USP42: variants seen among roughly 807,000 people sequenced by gnomAD.
The protein encoded by USP42 is ubiquitin specific peptidase 42.
Under a neutral mutation model 113.0 loss-of-function variants are expected in USP42, and 23 were observed. The observed-to-expected ratio is 0.20, with a 90% confidence interval of 0.15 to 0.29. The LOEUF (loss-of-function observed/expected upper bound fraction) is 0.29, where lower values mean the gene tolerates loss of function less well. USP42 is among the 10% of genes least tolerant of loss of function. USP42 has a pLI of 1.00. For missense variants in USP42, 2,174 were observed against 1,779.8 expected (o/e 1.22, Z -3.99); for synonymous variants, 933 against 699.0 (o/e 1.33, Z -5.28).
chr7:6,150,709 C>T (rs368359490), intron 14 of USP42, among the ~76,000 whole-genome samples: 20 of 152,162 alleles, frequency 1.3e-4, no homozygotes, highest in Non-Finnish European at 2.5e-4. Flanking sequence ...ACTGAGTCCA[C>T]GGAAACTTGA....
intron 8 of USP42, among the ~76,000 whole-genome samples, chr7:6,143,507 CAA>C (rs1377552005): frequency 6.6e-6 from 1 of 152,094 alleles, no homozygotes; most frequent in African/African-American, 2.4e-5. Flanking sequence ...CACATGAAGT[CAA>C]GAGTGCCTAT....
rs1479383784 is a variant in USP42 at position 6,153,783 on chromosome 7, C to G, written c.2229C>G (p.Pro743=). ...CACCTGGAGCAGAGAGGGGCCCTCC[C>G]GAGGACCGCGACGCCGAGCCTCAGC... is the stretch of plus-strand genomic sequence containing the variant. ...MSAPGAERGP[P]EDRDAEPQPG... Residue 743 remains proline, a synonymous_variant, in exon 15 of 18, where the codon CCC becomes CCG. Coordinates refer to ENST00000306177, the MANE Select transcript of USP42 (RefSeq NM_032172.3). 1 of 1,490,578 alleles carries G rather than the reference C, an allele frequency of 6.7e-7. No individual in the cohort carries two copies. Among genetic ancestry groups the G allele is most frequent in the Non-Finnish European group, 8.9e-7 (1 of 1,118,664 alleles). 92.3% of individuals were successfully genotyped at this position (1,490,578 alleles called of 1,614,324 possible).
rs1782742289 is a variant in USP42, at chr7:6,160,941, T to TTTAA, written c.*426_*429dup. ...AAAGTACAAACTGACAGTGTGTATA[T>TTTAA]TTAATTTAAAGACTTATTTAAAAAC... is the stretch of plus-strand genomic sequence containing the variant. On this transcript the variant is annotated 3_prime_UTR_variant, in exon 18 of 18. Transcript: ENST00000306177. The TTTAA allele has an allele frequency of 1.3e-5, 2 of 152,754 alleles. No homozygotes were observed. Among genetic ancestry groups the TTTAA allele is most frequent in the Middle Eastern group, 3.4e-3 (1 of 294 alleles). The allele number at this position is 152,754 out of a possible 1,614,324, so 9.5% of individuals were successfully genotyped here.
chr7:6,086,765 C>T, the USP42 span, among the ~76,000 whole-genome samples: 1 of 148,454 alleles, frequency 6.7e-6, no homozygotes, highest in Admixed American at 6.8e-5. Context: ...TCGCTCTTGT[C>T]GCCCAGGCTG....
intron 3 of USP42, among the ~76,000 whole-genome samples, chr7:6,124,982 A>G (rs1583611492): frequency 6.6e-6 from 1 of 151,914 alleles, no homozygotes; most frequent in African/African-American, 2.4e-5. Flanking sequence ...GGAATTCGAG[A>G]CCAGCCTGGC....
At position 6,115,574 on chromosome 7, in the gene USP42, CA is replaced by C. The variant is rs1237213435; in HGVS notation, c.442+52del. The C allele has an allele frequency of 3.2e-6, 5 of 1,578,154 alleles. No homozygotes were observed. In the Admixed American group the frequency reaches 8.7e-5, roughly 28 times the overall value. On this transcript the variant is annotated intron_variant, in intron 3 of 17. Coordinates refer to ENST00000306177, the MANE Select transcript of USP42 (RefSeq NM_032172.3). ...GTATTGTAGTGCGCTAACCTACTTTCATTTTTTCCTCTGAAATGAAAGTGAA... is the reference window on the plus strand; with the variant it reads ...GTATTGTAGTGCGCTAACCTACTTTCTTTTTTCCTCTGAAATGAAAGTGAA...
the USP42 span, among the ~76,000 whole-genome samples, chr7:6,090,683 C>T: frequency 6.8e-6 from 1 of 146,262 alleles, no homozygotes; most frequent in Admixed American, 6.9e-5. Flanking sequence ...CCACTGCACT[C>T]TAGCCTGGGC....
intron 3 of USP42, among the ~76,000 whole-genome samples, chr7:6,126,196 A>G (rs1047682980): frequency 6.6e-5 from 10 of 152,152 alleles, no homozygotes; most frequent in Non-Finnish European, 1.3e-4. Flanking sequence ...TTCACCTAGC[A>G]TAATTCTCTC....
Position 6,115,269 on chromosome 7 carries a change from T to C in USP42, c.242-54T>C. ...GGTTTGACCAGGTGTTACTATTTAT[T>C]TAGCTTCAGTATGCAAAGCTTGGTT... On this transcript the variant is annotated intron_variant, in intron 2 of 17. Coordinates refer to ENST00000306177, the MANE Select transcript of USP42 (RefSeq NM_032172.3). 3 of 1,564,122 alleles carry C rather than the reference T, an allele frequency of 1.9e-6. No homozygotes were observed. In the Admixed American group the frequency reaches 5.0e-5, roughly 26 times the overall value.
At chr7:6,119,988 CG>C in intron 3 of USP42, among the ~76,000 whole-genome samples, 1 of 152,048 alleles carries the variant, frequency 6.6e-6, no homozygotes, top group Non-Finnish European at 1.5e-5. Context: ...TTTTTTGAGA[CG>C]GAGTCTCGCT....
chr7:6,150,172 G>T lies in USP42; in HGVS notation c.1976G>T (p.Gly659Val). The part of the protein sequence containing the change: ...HELQEPMTLN[G>V]ANSADSDSDP... ...CTTCAAGAACCCATGACCCTAAACG[G>T]TGCTAATAGTGCAGACAGCGACAGT... Residue 659 changes from glycine (G) to valine (V), a missense_variant, in exon 13 of 18, where the codon GGT becomes GTT. Physicochemically the swap from Gly to Val is moderately radical, Grantham distance 109. Coordinates refer to ENST00000306177, the MANE Select transcript of USP42 (RefSeq NM_032172.3). 6.2e-7 allele frequency: 1 copy of T among 1,613,928 alleles called. No homozygotes were observed. Among genetic ancestry groups the T allele is most frequent in the East Asian group, 2.2e-5 (1 of 44,888 alleles).
At position 6,115,346 on chromosome 7, in the gene USP42, C is replaced by A; in HGVS notation, c.265C>A (p.Pro89Thr). ...DQALGDGIAP[P>T]QKVLFPSEKI... The stretch of plus-strand genomic sequence containing the variant: ...AGCCCTAGGTGATGGCATCGCTCCT[C>A]CACAGAAAGTTCTTTTCCCATCTGA... Residue 89 changes from proline to threonine, a missense_variant, in exon 3 of 18, where the codon CCA becomes ACA. Pro to Thr is a conservative substitution (Grantham distance 38). Coordinates refer to ENST00000306177, the MANE Select transcript of USP42 (RefSeq NM_032172.3). The A allele has an allele frequency of 6.2e-7, 1 of 1,613,986 alleles. No homozygotes were observed. The highest frequency in any genetic ancestry group is 8.5e-7 in the Non-Finnish European group (1 of 1,179,894).
At chr7:6,099,628 G>GT in the USP42 span, among the ~76,000 whole-genome samples, 3 of 150,660 alleles carry the variant, frequency 2.0e-5, no homozygotes, top group Non-Finnish European at 2.9e-5. Flanking sequence ...GATTACAGGT[G>GT]TGAGCCACCG....
chr7:6,130,640 G>C (rs948343947), intron 3 of USP42, among the ~76,000 whole-genome samples: 15 of 152,208 alleles, frequency 9.9e-5, no homozygotes, highest in Non-Finnish European at 2.9e-5. Flanking sequence ...ACAGCCTGTT[G>C]AGTGTAAGTC....
At chr7:6,122,817 T>C (rs1015727714) in intron 3 of USP42, among the ~76,000 whole-genome samples, 1 of 151,504 alleles carries the variant, frequency 6.6e-6, no homozygotes, top group Non-Finnish European at 1.5e-5. Context: ...TTGCTCAGGC[T>C]CATCTCAAAC....
rs1782283248 is a variant in USP42 at position 6,154,400 on chromosome 7, A to T, written c.2846A>T (p.Asp949Val). The T allele has an allele frequency of 1.6e-5, 26 of 1,576,852 alleles. No individual in the cohort carries two copies. The highest frequency in any genetic ancestry group is 2.1e-5 in the Non-Finnish European group (24 of 1,163,082). The change falls in exon 15 of 18, where the codon GAC becomes GTC. Residue 949 changes from aspartate to valine, a missense_variant. By Grantham distance (152) the Asp-to-Val change is radical. Transcript: ENST00000306177. Reference sequence around the variant, plus strand: ...AAAATCGGCAGCCTCAGAAAGGTGGACCGAGGCCACTACCGCAGCCGGAGA... The same window carrying T: ...AAAATCGGCAGCCTCAGAAAGGTGGTCCGAGGCCACTACCGCAGCCGGAGA... ...KEKIGSLRKV[D>V]RGHYRSRRER...
chr7:6,127,323 T>C (rs1780594832), intron 3 of USP42, among the ~76,000 whole-genome samples: 1 of 152,194 alleles, frequency 6.6e-6, no homozygotes, highest in African/African-American at 2.4e-5. Context: ...CTTTAGTGGA[T>C]TGTGCTTTTA....
rs376970933 is a variant in USP42 at position 6,158,192 on chromosome 7, G to A, written c.3943+1137G>A. On this transcript the variant is annotated intron_variant, in intron 16 of 17. Transcript: ENST00000306177. The surrounding 1 kb of genome is among the most constrained non-coding windows in gnomAD (Gnocchi z 4.2). ...TCAGTGTCTGTGGCTTGATTGGGGC[G>A]CAGCCAGGTGCGTTCCCACGCTGTC... 6.6e-6 allele frequency among the ~76,000 whole-genome samples: 1 copy of A among 152,252 alleles called. No individual in the cohort carries two copies. Among genetic ancestry groups the A allele is most frequent in the Non-Finnish European group, 1.5e-5 (1 of 68,048 alleles).
At chr7:6,097,185 C>G in the USP42 span, among the ~76,000 whole-genome samples, 1 of 151,028 alleles carries the variant, frequency 6.6e-6, no homozygotes, top group Admixed American at 6.6e-5. Flanking sequence ...ACAGCCACCT[C>G]GGGGTACCAC....
Sources: gnomAD v4.1 joint callset for allele counts (sites outside exome capture counted in the v4.1 genomes callset) on GRCh38, gnomAD v4.1.1 for gene constraint, Gnocchi (gnomAD v3.1) non-coding constraint, MANE v1.5 for transcripts, NCBI Gene and HGNC (gene_info 2026-07-23, HGNC 2026-07-21) for gene names.